Variants in KCNQ5 observed in about 807,000 individuals in gnomAD.
KCNQ5 encodes the protein potassium voltage-gated channel subfamily Q member 5, also known as potassium voltage-gated channel subfamily KQT member 5.
In KCNQ5, 30 loss-of-function variants were observed where a neutral mutation model predicts 98.2. That is an observed-to-expected ratio of 0.31 (90% CI 0.23 to 0.41). The LOEUF (loss-of-function observed/expected upper bound fraction) is 0.41. Among genes scored for constraint, KCNQ5 ranks in the 10% least tolerant of loss-of-function variants. KCNQ5 has a pLI of 1.00. For missense variants in KCNQ5, 835 were observed against 1,182.5 expected, an observed-to-expected ratio of 0.71 and a Z score of 4.31; for synonymous variants, 458 against 449.4, an observed-to-expected ratio of 1.02 and a Z score of -0.24.
intron 1 of KCNQ5, among the ~76,000 whole-genome samples, chr6:72,888,891 G>A (rs548363060): frequency 2.4e-4 from 37 of 152,014 alleles, no homozygotes; most frequent in Non-Finnish European, 4.0e-4. Context: ...ACAGCAGTGC[G>A]CAGAAGAAAA....
chr6:73,121,453 C>T (rs994789948), intron 8 of KCNQ5, among the ~76,000 whole-genome samples: 2 of 152,076 alleles, frequency 1.3e-5, no homozygotes, highest in Admixed American at 1.3e-4. Context: ...CATTGAAATA[C>T]CGAAGCAGTA....
At chr6:72,856,237 CA>C (rs1172559188) in intron 1 of KCNQ5, among the ~76,000 whole-genome samples, 1 of 152,034 alleles carries the variant, frequency 6.6e-6, no homozygotes, top group East Asian at 1.9e-4. Flanking sequence ...TTTCTTTGCT[CA>C]ATTTTTTCAT....
intron 1 of KCNQ5, among the ~76,000 whole-genome samples, chr6:72,813,776 T>C (rs1352592535): frequency 6.6e-6 from 1 of 152,230 alleles, no homozygotes; most frequent in Non-Finnish European, 1.5e-5. Flanking sequence ...ATATCTAATA[T>C]AATGTAATTG....
At chr6:72,828,957 T>C (rs1440756421) in intron 1 of KCNQ5, among the ~76,000 whole-genome samples, 1 of 152,072 alleles carries the variant, frequency 6.6e-6, no homozygotes, top group Non-Finnish European at 1.5e-5. Context: ...TATGTACATA[T>C]CTACATATAT....
At chr6:72,791,004 A>G (rs1561985809) in intron 1 of KCNQ5, among the ~76,000 whole-genome samples, 1 of 152,218 alleles carries the variant, frequency 6.6e-6, no homozygotes, top group Non-Finnish European at 1.5e-5. Flanking sequence ...TCATCAATAA[A>G]CAGTCAATAA....
intron 1 of KCNQ5, among the ~76,000 whole-genome samples, chr6:72,806,206 C>T (rs1582326166): frequency 6.6e-6 from 1 of 152,008 alleles, no homozygotes; most frequent in East Asian, 1.9e-4. Flanking sequence ...GGATCCTCAC[C>T]ATACAGCATT....
At chr6:73,191,789 T>C (rs1466902351) in intron 12 of KCNQ5, among the ~76,000 whole-genome samples, 1 of 152,210 alleles carries the variant, frequency 6.6e-6, no homozygotes, top group Non-Finnish European at 1.5e-5. Context: ...GTAAATTAGA[T>C]GTCATGGCAG....
intron 5 of KCNQ5, among the ~76,000 whole-genome samples, chr6:73,094,389 A>C (rs1005111642): frequency 6.6e-6 from 1 of 152,140 alleles, no homozygotes; most frequent in Non-Finnish European, 1.5e-5. Context: ...CATTTAAGCC[A>C]TTTACATTCA....
At chr6:72,816,926 C>T (rs1775530523) in intron 1 of KCNQ5, among the ~76,000 whole-genome samples, 1 of 152,244 alleles carries the variant, frequency 6.6e-6, no homozygotes, top group Admixed American at 6.5e-5. Flanking sequence ...AGAAACAGTC[C>T]TCCTAAAACC....
intron 1 of KCNQ5, among the ~76,000 whole-genome samples, chr6:72,881,472 T>G (rs1321007844): frequency 6.6e-6 from 1 of 152,170 alleles, no homozygotes; most frequent in Non-Finnish European, 1.5e-5. Context: ...TTTCACTTAA[T>G]AAACAATTAT....
At chr6:73,101,183 TA>T (rs1325312654) in intron 5 of KCNQ5, among the ~76,000 whole-genome samples, 3 of 152,102 alleles carry the variant, frequency 2.0e-5, no homozygotes, top group Admixed American at 2.0e-4. Flanking sequence ...AAAATGCATT[TA>T]AAAAAGAAAA....
chr6:72,741,177 T>A (rs1055919335), intron 1 of KCNQ5, among the ~76,000 whole-genome samples: 5 of 152,252 alleles, frequency 3.3e-5, no homozygotes, highest in Admixed American at 2.6e-4. Flanking sequence ...TTGATTGGCA[T>A]GAGCTTGAAT....
intron 1 of KCNQ5, among the ~76,000 whole-genome samples, chr6:72,994,081 C>G (rs763900958): frequency 8.9e-5 from 1 of 11,242 alleles, no homozygotes; most frequent in African/African-American, 6.4e-4. Context: ...GACAGGGACA[C>G]TTAAGTCTGC....
chr6:72,690,219 C>T (rs1768145726), intron 1 of KCNQ5, among the ~76,000 whole-genome samples: 2 of 152,056 alleles, frequency 1.3e-5, no homozygotes, highest in Non-Finnish European at 2.9e-5. Flanking sequence ...TTGCAGTGAG[C>T]CGTGATCCCG....
At chr6:72,961,075 GCCTGGGCAACATAGTGAGACC>G (rs1469348892) in intron 1 of KCNQ5, among the ~76,000 whole-genome samples, 7 of 152,196 alleles carry the variant, frequency 4.6e-5, no homozygotes, top group African/African-American at 1.4e-4. Context: ...TTTGAGACCA[GCCTGGGCAACATAGTGAGACC>G]CTGTCTCCAA....
At chr6:72,659,913 A>G (rs978566125) in intron 1 of KCNQ5, among the ~76,000 whole-genome samples, 3 of 152,098 alleles carry the variant, frequency 2.0e-5, no homozygotes, top group African/African-American at 7.2e-5. Flanking sequence ...ATCCTTCATG[A>G]TATCTCTATA....
chr6:73,125,360 AAC>A (rs1347350288), intron 9 of KCNQ5: 1 of 511,616 alleles, frequency 2.0e-6, no homozygotes, highest in African/African-American at 1.9e-5. Context: ...AGCCCTGAAA[AAC>A]AGAGCCAGGT....
chr6:72,682,186 C>T (rs1767741665), intron 1 of KCNQ5, among the ~76,000 whole-genome samples: 1 of 152,128 alleles, frequency 6.6e-6, no homozygotes, highest in Non-Finnish European at 1.5e-5. Context: ...GTTCTTTGGC[C>T]AGCACAGTAT....
At chr6:72,723,451 A>T (rs950134059) in intron 1 of KCNQ5, among the ~76,000 whole-genome samples, 2 of 152,206 alleles carry the variant, frequency 1.3e-5, no homozygotes, top group Non-Finnish European at 2.9e-5. Context: ...ATAATATGAG[A>T]AACAGGAGGA....
Sources: gnomAD v4.1 joint callset for allele counts (sites outside exome capture counted in the v4.1 genomes callset) on GRCh38, gnomAD v4.1.1 for gene constraint, MANE v1.5 for transcripts, NCBI Gene and HGNC (gene_info 2026-07-23, HGNC 2026-07-21) for gene names.